TTC13: variants seen among roughly 807,000 people sequenced by gnomAD.
TTC13 encodes the protein tetratricopeptide repeat domain 13.
Under a neutral mutation model 120.0 loss-of-function variants are expected in TTC13, and 62 were observed. The ratio of observed to expected loss-of-function variants is 0.52; its 90% CI spans 0.42 to 0.64. The LOEUF (loss-of-function observed/expected upper bound fraction) is 0.64, where lower values mean the gene tolerates loss of function less well. Among genes scored for constraint, TTC13 ranks in the 30% least tolerant of loss-of-function variants. TTC13 has a pLI of 0.00. For synonymous variants in TTC13, 384 were observed against 393.5 expected, an observed-to-expected ratio of 0.98 and a Z score of 0.28; for missense variants, 824 against 1,050.2, an observed-to-expected ratio of 0.78 and a Z score of 2.98.
At chr1:230,929,136 A>C in intron 11 of TTC13, 43 bp from the exon 12 acceptor site, 1 of 1,579,510 alleles carries the variant, frequency 6.3e-7, no homozygotes. Context: ...AATACTGCTA[A>C]AGAAACTTTC....
chr1:230,934,214 G>T (rs986894598), intron 8 of TTC13, among the ~76,000 whole-genome samples: 4 of 151,916 alleles, frequency 2.6e-5, no homozygotes, highest in South Asian at 2.1e-4. Context: ...AAGGCCCTAG[G>T]ACCAAAAGCA....
intron 1 of TTC13, among the ~76,000 whole-genome samples, chr1:230,965,563 G>T (rs766404075): frequency 6.6e-6 from 1 of 152,194 alleles, no homozygotes; most frequent in African/African-American, 2.4e-5. Context: ...CAGTTTGGAG[G>T]TTCCTCAAAA....
At chr1:230,936,273 G>C (rs774901508) in intron 8 of TTC13, 2 of 455,934 alleles carry the variant, frequency 4.4e-6, no homozygotes, top group African/African-American at 2.0e-5. Flanking sequence ...TTCTGCCAAA[G>C]AGGGGACATA....
chr1:230,918,360 C>T (rs1374293801), intron 17 of TTC13, among the ~76,000 whole-genome samples: 2 of 152,184 alleles, frequency 1.3e-5, no homozygotes, highest in African/African-American at 4.8e-5. Flanking sequence ...ATAACTGTCA[C>T]ATTCACCATG....
At position 230,942,210 on chromosome 1, in the gene TTC13, T is replaced by C. The variant is rs760247142; in HGVS notation, c.672+1596A>G. Among the ~76,000 whole-genome samples the C allele has an allele frequency of 2.0e-4, 30 of 152,190 alleles. No homozygotes were observed. The highest frequency in any genetic ancestry group is 5.9e-5 in the Non-Finnish European group (4 of 68,038). ...TATACTTAACTCATGATTTACCAGA[T>C]TTTAACATAAACCAGAGTAATATAG... On this transcript the variant is annotated intron_variant, in intron 6 of 22. Coordinates refer to ENST00000366661, the MANE Select transcript of TTC13 (RefSeq NM_024525.5). The surrounding 1 kb of genome is among the most constrained non-coding windows in gnomAD (Gnocchi z 4.0).
chr1:230,914,544 G>A (rs541533459), intron 18 of TTC13, among the ~76,000 whole-genome samples: 11 of 151,962 alleles, frequency 7.2e-5, no homozygotes, highest in African/African-American at 2.4e-4. Flanking sequence ...ACAGGTGCGC[G>A]CCACCAGGCC....
chr1:230,958,269 T>C lies in TTC13; in HGVS notation c.397A>G (p.Arg133Gly). Reference protein sequence around the residue: ...SQAKSIAEQKRFPFATDNDST... With the variant: ...SQAKSIAEQKGFPFATDNDST... The stretch of plus-strand genomic sequence containing the variant: ...TCATTATCAGTGGCAAACGGGAATC[T>C]CTTCTGTTCTGCAATAGACTTGGCC... Residue 133 changes from arginine (R) to glycine (G), a missense_variant, in exon 3 of 23, where the codon AGA becomes GGA. This residue lies in a region of TTC13 where 430 missense variants were observed against 626.8 expected (regional missense o/e 0.69). Transcript: ENST00000366661. 6.2e-7 allele frequency: 1 copy of C among 1,611,584 alleles called. No homozygotes were observed. The highest frequency in any genetic ancestry group is 1.1e-5 in the South Asian group (1 of 90,926).
At chr1:230,943,927 C>T in intron 5 of TTC13, 29 bp from the exon 6 acceptor site, 1 of 1,525,910 alleles carries the variant, frequency 6.6e-7, no homozygotes, top group Non-Finnish European at 8.9e-7. Flanking sequence ...TAGTATGAGA[C>T]ATACTGTTAC....
At position 230,954,396 on chromosome 1, in the gene TTC13, A is replaced by G. The variant is rs1350647592; in HGVS notation, c.450T>C (p.Ala150=). The G allele has an allele frequency of 6.2e-7, 1 of 1,610,502 alleles. No homozygotes were observed. Among genetic ancestry groups the G allele is most frequent in the East Asian group, 2.2e-5 (1 of 44,820 alleles). ...NDSTNEELAI[A]YVLIGSGLYD... is the part of the protein sequence containing the mutation. Reference sequence around the variant, plus strand: ...ACAGACCACTGCCAATCAAGACATAAGCAATAGCTATGAAACAAAATACAA... The same window carrying G: ...ACAGACCACTGCCAATCAAGACATAGGCAATAGCTATGAAACAAAATACAA... Residue 150 remains alanine (A), a synonymous_variant, in exon 4 of 23, where the codon GCT becomes GCC. Transcript: ENST00000366661.
intron 4 of TTC13, among the ~76,000 whole-genome samples, chr1:230,949,192 A>T (rs1022019428): frequency 6.6e-6 from 1 of 151,502 alleles, no homozygotes; most frequent in African/African-American, 2.4e-5. Flanking sequence ...CTATCAGATC[A>T]AAGTCAGCTC....
At chr1:230,975,748 A>G (rs1678236964) in intron 1 of TTC13, among the ~76,000 whole-genome samples, 1 of 152,218 alleles carries the variant, frequency 6.6e-6, no homozygotes, top group African/African-American at 2.4e-5. Context: ...GGAAACATGC[A>G]AAGCTCAAGC....
chr1:230,925,375 G>T (rs1447603684), intron 13 of TTC13, 142 bp downstream of exon 13: 1 of 1,012,570 alleles, frequency 9.9e-7, no homozygotes, highest in Non-Finnish European at 1.4e-6. Context: ...CAGTTTGAAT[G>T]ATTCTACACA....
Position 230,914,519 on chromosome 1 carries a change from A to T in TTC13, c.2093+1674T>A, listed in dbSNP as rs545705612. Among the ~76,000 whole-genome samples the T allele has an allele frequency of 1.1e-4, 16 of 151,904 alleles. No homozygotes were observed. The South Asian group carries it at 2.9e-3, about 28-fold the overall frequency. On this transcript the variant is annotated intron_variant, in intron 18 of 22. Transcript: ENST00000366661. ...AAGCGATTCTCCTGCCTCAGCCTCC[A>T]GAGTAGCTGGAATTACAGGTGCGCG...
intron 1 of TTC13, among the ~76,000 whole-genome samples, chr1:230,964,172 C>G (rs1259147529): frequency 6.6e-6 from 1 of 152,122 alleles, no homozygotes; most frequent in Non-Finnish European, 1.5e-5. Flanking sequence ...TGCACTTAAC[C>G]ATACTTTTAT....
intron 1 of TTC13, among the ~76,000 whole-genome samples, chr1:230,977,684 G>T (rs1221256052): frequency 6.6e-6 from 1 of 152,156 alleles, no homozygotes; most frequent in Non-Finnish European, 1.5e-5. Context: ...GGTAGACCCC[G>T]GTCCTTCCCA....
In TTC13 at chr1:230,942,559, C is replaced by A. The variant is rs1674616957; in HGVS notation, c.672+1247G>T. Among the ~76,000 whole-genome samples, 1 of 152,128 alleles carries A rather than the reference C, an allele frequency of 6.6e-6. No individual in the cohort carries two copies. Among genetic ancestry groups the A allele is most frequent in the African/African-American group, 2.4e-5 (1 of 41,418 alleles). Reference sequence around the variant, plus strand: ...ATACCTTTAGCACTTCCTTTACTAGCTTTCTCTTCCAAAAGAGAAAATAAA... The same window carrying A: ...ATACCTTTAGCACTTCCTTTACTAGATTTCTCTTCCAAAAGAGAAAATAAA... On this transcript the variant is annotated intron_variant, in intron 6 of 22. Transcript: ENST00000366661. This position sits in a 1 kb window ranked among gnomAD's most constrained non-coding sequence, Gnocchi z 4.0.
intron 5 of TTC13, 67 bp downstream of exon 5, chr1:230,945,322 C>G (rs1407965255): frequency 2.2e-6 from 3 of 1,393,302 alleles, no homozygotes; most frequent in Non-Finnish European, 2.0e-6. Context: ...AGTAGCAGTT[C>G]TAGCAAAACC....
chr1:230,959,591 G>A lies in TTC13; in HGVS notation c.367-1292C>T, dbSNP rs187732039. Reference sequence around the variant, plus strand: ...AGACGGGGTTTCTCCATGTTGGTGAGGCTGGTCTTGAACTCCTGACCTCAG... The same window carrying A: ...AGACGGGGTTTCTCCATGTTGGTGAAGCTGGTCTTGAACTCCTGACCTCAG... On this transcript the variant is annotated intron_variant, in intron 2 of 22. Coordinates refer to ENST00000366661, the MANE Select transcript of TTC13 (RefSeq NM_024525.5). Among the ~76,000 whole-genome samples, 149 of 152,320 alleles carry A rather than the reference G, an allele frequency of 9.8e-4. 1 individual carries two copies. Among genetic ancestry groups the A allele is most frequent in the African/African-American group, 3.4e-3 (143 of 41,574 alleles).
chr1:230,906,938 T>C lies in TTC13; in HGVS notation c.2550A>G (p.Thr850=), dbSNP rs766405062. ...TLRSMIEVLN[T]DSSPRCLKKL ...TCTTAAGACAACGTGGAGAAGAGTC[T>C]GTGTTTAGCACCTCAATCATCGATC... The change falls in exon 23 of 23, where the codon ACA becomes ACG. Residue 850 remains threonine (T), a synonymous_variant. Coordinates refer to ENST00000366661, the MANE Select transcript of TTC13 (RefSeq NM_024525.5). 2 of 1,534,208 alleles carry C rather than the reference T, an allele frequency of 1.3e-6. No homozygotes were observed. The highest frequency in any genetic ancestry group is 2.5e-5 in the East Asian group (1 of 39,448).
Sources: gnomAD v4.1 joint callset for allele counts (sites outside exome capture counted in the v4.1 genomes callset) on GRCh38, gnomAD v4.1.1 for gene constraint, gnomAD v4.1.1 regional missense constraint, Gnocchi (gnomAD v3.1) non-coding constraint, MANE v1.5 for transcripts, NCBI Gene and HGNC (gene_info 2026-07-23, HGNC 2026-07-21) for gene names.